The following GALNTL6 variants were observed in gnomAD, a reference collection of about 807,000 sequenced individuals.
GALNTL6 encodes the protein polypeptide N-acetylgalactosaminyltransferase-like 6.
In GALNTL6, 46 loss-of-function variants were observed where a neutral mutation model predicts 73.7. That is an observed-to-expected ratio of 0.62 (90% CI 0.49 to 0.80). The LOEUF (loss-of-function observed/expected upper bound fraction) is 0.80. Ranked by LOEUF, GALNTL6 falls within the 30% of genes least tolerant of loss-of-function variation. The pLI, the probability that GALNTL6 is intolerant of heterozygous loss-of-function variation, is 0.00. For synonymous variants in GALNTL6, 259 were observed against 263.7 expected (o/e 0.98, Z 0.17); for missense variants, 604 against 755.0 (o/e 0.80, Z 2.34).
chr4:172,197,504 C>G, intron 2 of GALNTL6, among the ~76,000 whole-genome samples: 1 of 152,018 alleles, frequency 6.6e-6, no homozygotes, highest in Non-Finnish European at 1.5e-5. Flanking sequence ...GCAAAAAGAA[C>G]AAAAGTGGAG....
At chr4:172,918,383 T>C (rs1328933718) in intron 8 of GALNTL6, among the ~76,000 whole-genome samples, 14 of 151,950 alleles carry the variant, frequency 9.2e-5, no homozygotes, top group Admixed American at 9.2e-4. Flanking sequence ...ACTTAAAGTA[T>C]AATTTAAAAA....
chr4:172,635,788 C>A (rs1214440798), intron 5 of GALNTL6, among the ~76,000 whole-genome samples: 2 of 152,096 alleles, frequency 1.3e-5, no homozygotes, highest in Non-Finnish European at 2.9e-5. Context: ...AGCTTTATAT[C>A]CAATAACATT....
chr4:171,979,327 TTGAG>T (rs1333080956), intron 2 of GALNTL6, among the ~76,000 whole-genome samples: 2 of 152,214 alleles, frequency 1.3e-5, no homozygotes, highest in Middle Eastern at 6.3e-3. Flanking sequence ...ATTTCATACT[TTGAG>T]TATACTTACT....
At chr4:172,957,012 G>A (rs1190010510) in intron 10 of GALNTL6, among the ~76,000 whole-genome samples, 1 of 152,160 alleles carries the variant, frequency 6.6e-6, no homozygotes, top group Non-Finnish European at 1.5e-5. Context: ...GACCGTGGTG[G>A]CCTTCTTAGA....
At chr4:171,958,842 TCA>T (rs1302911261) in intron 2 of GALNTL6, among the ~76,000 whole-genome samples, 2 of 152,170 alleles carry the variant, frequency 1.3e-5, no homozygotes, top group East Asian at 3.8e-4. Flanking sequence ...GATTTTATAT[TCA>T]GTTTTTAAAA....
chr4:172,885,382 C>A (rs1745667065), intron 8 of GALNTL6, among the ~76,000 whole-genome samples: 1 of 151,912 alleles, frequency 6.6e-6, no homozygotes, highest in African/African-American at 2.4e-5. Context: ...GGATTGTTTT[C>A]TTGATTGCTT....
At chr4:171,925,158 G>T (rs1737939179) in intron 2 of GALNTL6, among the ~76,000 whole-genome samples, 1 of 152,142 alleles carries the variant, frequency 6.6e-6, no homozygotes, top group African/African-American at 2.4e-5. Flanking sequence ...CTGGTAAAGG[G>T]TGAGCAGGGG....
chr4:172,608,962 T>G (rs1394801340), intron 5 of GALNTL6, among the ~76,000 whole-genome samples: 2 of 152,042 alleles, frequency 1.3e-5, no homozygotes, highest in Non-Finnish European at 1.5e-5. Flanking sequence ...TACTAATTTT[T>G]GTATGTTAAT....
rs372608762 is a variant in GALNTL6 at position 172,170,431 on chromosome 4, C to A, written c.139-59225C>A. Among the ~76,000 whole-genome samples the A allele has an allele frequency of 5.9e-5, 9 of 152,098 alleles. No homozygotes were observed. In the East Asian group the frequency reaches 1.4e-3, roughly 23 times the overall value. On this transcript the variant is annotated intron_variant, in intron 2 of 12. Transcript: ENST00000506823. ...ATGATTGTAAGTTTCCTGAGTCTTC[C>A]CCAGCCATATGGAACTGTGAGTCAG...
chr4:172,736,211 G>T (rs1206011958), intron 5 of GALNTL6, among the ~76,000 whole-genome samples: 2 of 152,144 alleles, frequency 1.3e-5, no homozygotes, highest in African/African-American at 4.8e-5. Flanking sequence ...GCTGGGGGGC[G>T]CTGCAGGTGA....
intron 5 of GALNTL6, among the ~76,000 whole-genome samples, chr4:172,457,997 T>C (rs558811864): frequency 6.6e-6 from 1 of 151,750 alleles, no homozygotes; most frequent in East Asian, 1.9e-4. Flanking sequence ...AGAATGGAAA[T>C]CATAACAATC....
chr4:171,855,470 C>T (rs1163321475), intron 2 of GALNTL6, among the ~76,000 whole-genome samples: 1 of 152,140 alleles, frequency 6.6e-6, no homozygotes, highest in East Asian at 1.9e-4. Flanking sequence ...CTTTTTGTTG[C>T]TCAATAATAT....
At chr4:172,803,287 C>G (rs527776173) in intron 5 of GALNTL6, among the ~76,000 whole-genome samples, 49 of 152,336 alleles carry the variant, frequency 3.2e-4, no homozygotes, top group African/African-American at 1.2e-3. Flanking sequence ...GGATTACCAC[C>G]TGAGCTCTGC....
At chr4:172,435,542 A>G (rs1215382732) in intron 5 of GALNTL6, among the ~76,000 whole-genome samples, 1 of 152,144 alleles carries the variant, frequency 6.6e-6, no homozygotes, top group African/African-American at 2.4e-5. Context: ...GTGGGACTGA[A>G]TGAGATCATT....
At chr4:172,164,751 G>A (rs751892380) in intron 2 of GALNTL6, among the ~76,000 whole-genome samples, 2 of 152,020 alleles carry the variant, frequency 1.3e-5, no homozygotes, top group African/African-American at 4.8e-5. Flanking sequence ...GTTTCCAAAT[G>A]ATTGAGTTTT....
At chr4:172,190,498 G>T (rs1476212772) in intron 2 of GALNTL6, among the ~76,000 whole-genome samples, 3 of 151,892 alleles carry the variant, frequency 2.0e-5, no homozygotes, top group Non-Finnish European at 2.9e-5. Flanking sequence ...GAGGTACACT[G>T]AGAAAAAAAA....
At chr4:172,523,279 A>T (rs1734844993) in intron 5 of GALNTL6, among the ~76,000 whole-genome samples, 1 of 152,206 alleles carries the variant, frequency 6.6e-6, no homozygotes, top group Admixed American at 6.5e-5. Flanking sequence ...TGTGTTTTAA[A>T]TGACACCACT....
chr4:173,034,356 A>G (rs919526667), intron 12 of GALNTL6, among the ~76,000 whole-genome samples: 2 of 152,088 alleles, frequency 1.3e-5, no homozygotes, highest in Admixed American at 6.6e-5. Context: ...AGATACTTTC[A>G]TGAGAAGTCA....
At chr4:171,945,556 T>C (rs968123440) in intron 2 of GALNTL6, among the ~76,000 whole-genome samples, 2 of 152,132 alleles carry the variant, frequency 1.3e-5, no homozygotes, top group Non-Finnish European at 2.9e-5. Flanking sequence ...CTATAAACTA[T>C]GTAGTACTGA....
Sources: gnomAD v4.1 joint callset for allele counts (sites outside exome capture counted in the v4.1 genomes callset) on GRCh38, gnomAD v4.1.1 for gene constraint, MANE v1.5 for transcripts, NCBI Gene and HGNC (gene_info 2026-07-23, HGNC 2026-07-21) for gene names.